The following ATP10D variants were observed in gnomAD, a reference collection of about 807,000 sequenced individuals.
ATP10D encodes the protein phospholipid-transporting ATPase VD.
In ATP10D, 89 loss-of-function variants were observed where a neutral mutation model predicts 144.8. The ratio of observed to expected loss-of-function variants is 0.61; its 90% confidence interval spans 0.52 to 0.73. ATP10D has a LOEUF of 0.73. ATP10D is among the 30% of genes least tolerant of loss of function. The probability of loss-of-function intolerance (pLI) is 0.00; values close to 1 mark genes in which losing one functional copy is unlikely to be tolerated. For synonymous variants in ATP10D, 571 were observed against 615.1 expected, an observed-to-expected ratio of 0.93 and a Z score of 1.06; for missense variants, 1,603 against 1,714.8, an observed-to-expected ratio of 0.93 and a Z score of 1.15.
chr4:47,532,735 C>T lies in ATP10D; in HGVS notation c.777-2774C>T, dbSNP rs144330066. Among the ~76,000 whole-genome samples, 614 of 152,274 alleles carry T rather than the reference C, an allele frequency of 4.0e-3. 3 individuals carry two copies. The highest frequency in any genetic ancestry group is 0.013 in the African/African-American group (560 of 41,536). On this transcript the variant is annotated intron_variant, in intron 5 of 22. Transcript: ENST00000273859. ...CATGCTCTAAGGTAGAACTGACATC[C>T]TCCCTATTTGTGACTACACTGTATG...
chr4:47,584,360 T>C (rs1720678059), intron 21 of ATP10D, among the ~76,000 whole-genome samples: 1 of 152,006 alleles, frequency 6.6e-6, no homozygotes, highest in African/African-American at 2.4e-5. Flanking sequence ...GCCAAAGGCA[T>C]GTTTTTTTTG....
At chr4:47,546,337 C>CAA (rs56131850) in intron 9 of ATP10D, among the ~76,000 whole-genome samples, 37 of 151,734 alleles carry the variant, frequency 2.4e-4, no homozygotes, top group Non-Finnish European at 5.2e-4. Flanking sequence ...GTGTCTGAAA[C>CAA]AGAGATGCTT....
chr4:47,515,433 GA>G, intron 2 of ATP10D, 42 bp from the exon 3 acceptor site: 1 of 1,521,394 alleles, frequency 6.6e-7, no homozygotes, highest in Non-Finnish European at 8.9e-7. Context: ...ATCAGTCCTT[GA>G]AGTAACTTCT....
intron 9 of ATP10D, among the ~76,000 whole-genome samples, chr4:47,537,917 G>C (rs1717934216): frequency 6.6e-6 from 1 of 152,080 alleles, no homozygotes; most frequent in African/African-American, 2.4e-5. Context: ...CAAGAAGATA[G>C]ATAAACAAGA....
At chr4:47,546,391 T>C (rs906651169) in intron 9 of ATP10D, among the ~76,000 whole-genome samples, 2 of 152,122 alleles carry the variant, frequency 1.3e-5, no homozygotes, top group Non-Finnish European at 2.9e-5. Flanking sequence ...TGAGTACCAA[T>C]GCAGATAAGT....
chr4:47,543,043 C>A (rs182720527), intron 9 of ATP10D, among the ~76,000 whole-genome samples: 1 of 152,228 alleles, frequency 6.6e-6, no homozygotes, highest in East Asian at 1.9e-4. Context: ...TTACTTTCCA[C>A]AGTTTCAATT....
chr4:47,544,211 T>C (rs1718301443), intron 9 of ATP10D, among the ~76,000 whole-genome samples: 1 of 152,218 alleles, frequency 6.6e-6, no homozygotes, highest in South Asian at 2.1e-4. Flanking sequence ...TAGCATCTGC[T>C]GAGATATAAT....
In ATP10D at chr4:47,558,929, CAA is replaced by C; in HGVS notation, c.2442_2443del (p.Leu816GlyfsTer17). ...ATCTTGTCCATTATTTCAGATGGAG[CAA>C]GTCTGGAGAAACAACAGATGATAGT... is the stretch of plus-strand genomic sequence containing the variant. On this transcript the variant is annotated frameshift_variant, in exon 13 of 23. Transcript: ENST00000273859. LOFTEE classifies it high-confidence loss of function. 1 of 1,612,380 alleles carries C rather than the reference CAA, an allele frequency of 6.2e-7. No homozygotes were observed. The highest frequency in any genetic ancestry group is 8.5e-7 in the Non-Finnish European group (1 of 1,179,228).
intron 5 of ATP10D, among the ~76,000 whole-genome samples, chr4:47,529,955 T>C (rs1047315670): frequency 6.6e-6 from 1 of 152,178 alleles, no homozygotes; most frequent in African/African-American, 2.4e-5. Context: ...TAGAATGTTA[T>C]TGGTATATAG....
Position 47,558,039 on chromosome 4 carries a change from G to C in ATP10D, c.2200G>C (p.Val734Leu). 1 of 1,614,242 alleles carries C rather than the reference G, an allele frequency of 6.2e-7. No individual in the cohort carries two copies. The change falls in exon 12 of 23, where the codon GTG becomes CTG. Residue 734 changes from valine (V) to leucine (L), a missense_variant. By Grantham distance (32) the Val-to-Leu change is conservative. Transcript: ENST00000273859. ...CGAGAGCCCAGACGAAGCGGCCTTA[G>C]TGTATGCCGCCAGGGCTTACCAATG... Reference protein sequence around the residue: ...EAESPDEAALVYAARAYQCTL... With the variant: ...EAESPDEAALLYAARAYQCTL...
rs1719446863 is a variant in ATP10D, at chr4:47,563,772, A to C, written c.2853+7A>C. 3.8e-6 allele frequency: 6 copies of C among 1,576,562 alleles called. No individual in the cohort carries two copies. The highest frequency in any genetic ancestry group is 2.6e-6 in the Non-Finnish European group (3 of 1,160,532). On this transcript the variant is annotated splice_region_variant and intron_variant, in intron 15 of 22. Coordinates refer to ENST00000273859, the MANE Select transcript of ATP10D (RefSeq NM_020453.4). ...CCTCAATACCCAAAGTAAAGTGCGTATATTGAGATTAAATCTGTTCTTCTG... is the reference window on the plus strand; with the variant it reads ...CCTCAATACCCAAAGTAAAGTGCGTCTATTGAGATTAAATCTGTTCTTCTG...
intron 1 of ATP10D, chr4:47,491,229 T>C (rs568587915): frequency 3.5e-5 from 27 of 772,256 alleles, no homozygotes; most frequent in Admixed American, 6.9e-5. Flanking sequence ...TGCCCTTAAC[T>C]TGTTTACAAC....
At chr4:47,501,634 A>G (rs1204590557) in intron 1 of ATP10D, among the ~76,000 whole-genome samples, 2 of 152,152 alleles carry the variant, frequency 1.3e-5, no homozygotes, top group African/African-American at 4.8e-5. Flanking sequence ...CTCTCATTCC[A>G]TATGAGATAT....
chr4:47,515,955 C>T (rs1243563086), intron 3 of ATP10D, among the ~76,000 whole-genome samples: 2 of 152,154 alleles, frequency 1.3e-5, no homozygotes, highest in South Asian at 2.1e-4. Context: ...CAGGGCCGGG[C>T]GTGGTGGCTC....
rs949740895 is a variant in ATP10D at position 47,573,464 on chromosome 4, G to A, written c.3366+467G>A. Among the ~76,000 whole-genome samples the A allele has an allele frequency of 2.7e-4, 41 of 152,306 alleles. 1 individual carries two copies. Among genetic ancestry groups the A allele is most frequent in the Admixed American group, 1.8e-3 (28 of 15,302 alleles). ...CCTAGTATGTCTTAGCGTGTAGCTG[G>A]CTGTTGCTCACAGATGCAAGAATTC... On this transcript the variant is annotated intron_variant, in intron 18 of 22. Coordinates refer to ENST00000273859, the MANE Select transcript of ATP10D (RefSeq NM_020453.4).
chr4:47,552,593 T>C (rs1718782634), intron 10 of ATP10D, among the ~76,000 whole-genome samples: 1 of 152,236 alleles, frequency 6.6e-6, no homozygotes, highest in Admixed American at 6.5e-5. Context: ...ACCATCACCT[T>C]GCAGGTTAGG....
At chr4:47,511,211 A>G (rs1716306585) in intron 1 of ATP10D, among the ~76,000 whole-genome samples, 1 of 152,184 alleles carries the variant, frequency 6.6e-6, no homozygotes, top group Admixed American at 6.5e-5. Context: ...AGTAAATGTT[A>G]TTTTGGCCAG....
chr4:47,495,187 T>C (rs4572850), intron 1 of ATP10D, among the ~76,000 whole-genome samples: 149,778 of 152,292 alleles, frequency 0.98, 73,705 homozygotes, highest in Non-Finnish European at 1. Flanking sequence ...CTAAGTTAAA[T>C]GTAATTTCTG....
intron 3 of ATP10D, among the ~76,000 whole-genome samples, chr4:47,516,629 AT>A (rs1219644824): frequency 1.3e-5 from 2 of 152,218 alleles, no homozygotes; most frequent in Non-Finnish European, 2.9e-5. Context: ...TATTTTGTTC[AT>A]TATTAGAATT....
Sources: allele counts gnomAD v4.1 joint callset (sites outside exome capture counted in the v4.1 genomes callset), GRCh38; gene constraint gnomAD v4.1.1; transcripts MANE v1.5; gene names NCBI Gene and HGNC (gene_info 2026-07-23, HGNC 2026-07-21).